CRTC3: variants seen among roughly 807,000 people sequenced by gnomAD.
The protein encoded by CRTC3 is CREB regulated transcription coactivator 3.
A neutral mutation model predicts 74.5 loss-of-function variants in CRTC3; 26 were observed. The observed-to-expected ratio is 0.35, with a 90% confidence interval of 0.26 to 0.48. The LOEUF (loss-of-function observed/expected upper bound fraction) is 0.48. Among genes scored for constraint, CRTC3 ranks in the 20% least tolerant of loss-of-function variants. The pLI is 0.99. For synonymous variants in CRTC3, 377 were observed against 325.8 expected, an observed-to-expected ratio of 1.16 and a Z score of -1.69; for missense variants, 760 against 787.3, an observed-to-expected ratio of 0.97 and a Z score of 0.41.
chr15:90,560,524 C>T (rs746453691), intron 2 of CRTC3, among the ~76,000 whole-genome samples: 13 of 152,224 alleles, frequency 8.5e-5, no homozygotes, highest in South Asian at 2.1e-4. Context: ...TTGGGGCAGA[C>T]GATGAATACT....
At chr15:90,534,150 G>T (rs999702649) in intron 1 of CRTC3, among the ~76,000 whole-genome samples, 1 of 152,182 alleles carries the variant, frequency 6.6e-6, no homozygotes, top group African/African-American at 2.4e-5. Context: ...CATTTACTAA[G>T]ATGGTGGCAG....
At chr15:90,618,855 ACT>A (rs964783421) in intron 8 of CRTC3, among the ~76,000 whole-genome samples, 1 of 152,214 alleles carries the variant, frequency 6.6e-6, no homozygotes, top group African/African-American at 2.4e-5. Flanking sequence ...AAGCAACCAC[ACT>A]GTCTTTTGGC....
chr15:90,557,818 C>G (rs1002065853), intron 2 of CRTC3, among the ~76,000 whole-genome samples: 1 of 152,100 alleles, frequency 6.6e-6, no homozygotes, highest in Non-Finnish European at 1.5e-5. Context: ...GGCCTTGTGC[C>G]TCAGCTCTGA....
At chr15:90,586,103 A>C (rs942813840) in intron 2 of CRTC3, among the ~76,000 whole-genome samples, 2 of 152,184 alleles carry the variant, frequency 1.3e-5, no homozygotes, top group Admixed American at 1.3e-4. Flanking sequence ...GTATTCCAGG[A>C]AAATATGTGT....
Position 90,630,756 on chromosome 15 carries a change from A to ATTTTTT in CRTC3, c.1266+1251_1266+1256dup, listed in dbSNP as rs1175467073. On this transcript the variant is annotated intron_variant, in intron 11 of 14. Transcript: ENST00000268184. ...CACATCCTCTGTCTATTACAGCATC[A>ATTTTTT]TTTTTTTTTTTTTTTTTTTTTTTTT... Among the ~76,000 whole-genome samples, 56 of 23,652 alleles carry ATTTTTT rather than the reference A, an allele frequency of 2.4e-3. 9 individuals carry two copies. The highest frequency in any genetic ancestry group is 4.9e-3 in the African/African-American group (46 of 9,424). The allele number at this position is 23,652 out of a possible 152,430, so 15.5% of individuals were successfully genotyped here.
At chr15:90,612,165 A>G (rs890452470) in intron 6 of CRTC3, among the ~76,000 whole-genome samples, 1 of 151,238 alleles carries the variant, frequency 6.6e-6, no homozygotes, top group Admixed American at 6.6e-5. Flanking sequence ...TCCAGGTACT[A>G]CAGCAAATTG....
chr15:90,638,315 C>CA (rs1385694133), intron 11 of CRTC3, 131 bp from the exon 12 acceptor site: 1 of 690,342 alleles, frequency 1.4e-6, no homozygotes, highest in Non-Finnish European at 2.5e-6. Flanking sequence ...ACGGGCTTCT[C>CA]ACAGCATTGC....
At chr15:90,532,812 C>T (rs536850814) in intron 1 of CRTC3, among the ~76,000 whole-genome samples, 90 of 152,092 alleles carry the variant, frequency 5.9e-4, no homozygotes, top group Non-Finnish European at 1.2e-3. Flanking sequence ...TGGGGTCGGG[C>T]GTGGTGGTTC....
At chr15:90,587,921 G>A (rs1285503675) in intron 2 of CRTC3, among the ~76,000 whole-genome samples, 1 of 150,732 alleles carries the variant, frequency 6.6e-6, no homozygotes, top group Non-Finnish European at 1.5e-5. Context: ...GCTCCCATTT[G>A]CAGATTCTTT....
chr15:90,615,092 T>TAAATA (rs1170678951), intron 7 of CRTC3, among the ~76,000 whole-genome samples: 83 of 152,046 alleles, frequency 5.5e-4, no homozygotes, highest in African/African-American at 1.9e-3. Flanking sequence ...ATAAATAAAT[T>TAAATA]AATTAATTGA....
In CRTC3 at chr15:90,559,042, G is replaced by A. The variant is rs140871370; in HGVS notation, c.231+18905G>A. 9.9e-5 allele frequency among the ~76,000 whole-genome samples: 15 copies of A among 152,114 alleles called. No homozygotes were observed. In the East Asian group the frequency reaches 2.5e-3, roughly 26 times the overall value. ...GCTGGGATTGCAGGTGTGAGCCACC[G>A]CGCCTGTCCTACTATGTATTTTTAT... On this transcript the variant is annotated intron_variant, in intron 2 of 14. Coordinates refer to ENST00000268184, the MANE Select transcript of CRTC3 (RefSeq NM_022769.5).
chr15:90,584,918 A>G (rs917916479), intron 2 of CRTC3, among the ~76,000 whole-genome samples: 12 of 152,318 alleles, frequency 7.9e-5, no homozygotes, highest in African/African-American at 2.9e-4. Context: ...CAGAGGAAGC[A>G]TTATCGTCAA....
intron 2 of CRTC3, among the ~76,000 whole-genome samples, chr15:90,583,461 C>G (rs1029680684): frequency 6.6e-6 from 1 of 152,122 alleles, no homozygotes; most frequent in Non-Finnish European, 1.5e-5. Context: ...CACAGCAAGA[C>G]TTATTTGGTC....
chr15:90,568,925 A>AT (rs760681706), intron 2 of CRTC3, among the ~76,000 whole-genome samples: 1 of 151,842 alleles, frequency 6.6e-6, no homozygotes, highest in African/African-American at 2.4e-5. Context: ...AAGTGTATAT[A>AT]TTTTTCATGC....
intron 2 of CRTC3, among the ~76,000 whole-genome samples, chr15:90,584,551 TA>T (rs1385718192): frequency 2.0e-5 from 3 of 152,136 alleles, no homozygotes; most frequent in African/African-American, 4.8e-5. Context: ...GCAGAATTTT[TA>T]AAAAAGAGTT....
chr15:90,564,242 A>G (rs1967074625), intron 2 of CRTC3, among the ~76,000 whole-genome samples: 1 of 152,216 alleles, frequency 6.6e-6, no homozygotes, highest in African/African-American at 2.4e-5. Context: ...AATTACTAAA[A>G]CAGAACTATT....
chr15:90,590,164 G>A (rs990361208), intron 2 of CRTC3, among the ~76,000 whole-genome samples: 4 of 151,544 alleles, frequency 2.6e-5, no homozygotes, highest in Non-Finnish European at 5.9e-5. Flanking sequence ...GTGGTGGCAT[G>A]TTCCTGTAAT....
At chr15:90,623,307 C>T (rs893705821) in intron 9 of CRTC3, among the ~76,000 whole-genome samples, 1 of 152,182 alleles carries the variant, frequency 6.6e-6, no homozygotes, top group African/African-American at 2.4e-5. Flanking sequence ...TTCAGTGGAA[C>T]CTTGAGAATG....
chr15:90,633,414 A>G (rs1321567039), intron 11 of CRTC3, among the ~76,000 whole-genome samples: 1 of 152,194 alleles, frequency 6.6e-6, no homozygotes, highest in Admixed American at 6.5e-5. Flanking sequence ...GGCTGAATAT[A>G]GAATTCTAAA....
Sources: gnomAD v4.1 joint callset for allele counts (sites outside exome capture counted in the v4.1 genomes callset) on GRCh38, gnomAD v4.1.1 for gene constraint, MANE v1.5 for transcripts, NCBI Gene and HGNC (gene_info 2026-07-23, HGNC 2026-07-21) for gene names.